ALDH1A3: variants seen among roughly 807,000 people sequenced by gnomAD.
ALDH1A3 encodes aldehyde dehydrogenase 1 family member A3, also known as retinaldehyde dehydrogenase 3.
Under a neutral mutation model 57.5 loss-of-function variants are expected in ALDH1A3, and 28 were observed. The ratio of observed to expected loss-of-function variants is 0.49; its 90% CI spans 0.36 to 0.67. The LOEUF is 0.67. Among genes scored for constraint, ALDH1A3 ranks in the 30% least tolerant of loss-of-function variants. The pLI, the probability that ALDH1A3 is intolerant of heterozygous loss-of-function variation, is 0.00. For missense variants in ALDH1A3, 507 were observed against 669.4 expected (o/e 0.76, Z 2.68); for synonymous variants, 281 against 264.8 (o/e 1.06, Z -0.59).
chr15:100,887,544 GTC>G lies in ALDH1A3; in HGVS notation c.205-20_205-19del. 6.6e-7 allele frequency: 1 copy of G among 1,526,178 alleles called. No homozygotes were observed. Among genetic ancestry groups the G allele is most frequent in the Non-Finnish European group, 8.8e-7 (1 of 1,131,812 alleles). 94.5% of individuals were successfully genotyped at this position (1,526,178 alleles called of 1,614,324 possible). A position where few individuals can be genotyped will look rare whatever the true frequency, so the allele number is the denominator to read the frequency against. ...ACTGCAGTCACGTCAAAAGATGACA[GTC>G]TCTCTCTGTTGTTCTGGTCGCTCAG... is the stretch of plus-strand genomic sequence containing the variant. On this transcript the variant is annotated intron_variant, in intron 2 of 12. Transcript: ENST00000329841. This position sits in a 1 kb window ranked among gnomAD's most constrained non-coding sequence, Gnocchi z 4.6.
At chr15:100,886,837 G>A (rs1270781639) in intron 2 of ALDH1A3, among the ~76,000 whole-genome samples, 2 of 152,212 alleles carry the variant, frequency 1.3e-5, no homozygotes, top group Non-Finnish European at 2.9e-5. Flanking sequence ...GCTCCTCCCT[G>A]TCTGCGAACT....
chr15:100,906,152 G>C lies in ALDH1A3; in HGVS notation c.1233+465G>C, dbSNP rs1002397930. Among the ~76,000 whole-genome samples the C allele has an allele frequency of 1.3e-5, 2 of 152,192 alleles. No homozygotes were observed. Among genetic ancestry groups the C allele is most frequent in the Non-Finnish European group, 2.9e-5 (2 of 68,030 alleles). On this transcript the variant is annotated intron_variant, in intron 10 of 12. Transcript: ENST00000329841. This position sits in a 1 kb window ranked among gnomAD's most constrained non-coding sequence, Gnocchi z 4.8. ...GTGTTCACTCAAGGAACATGTCACAGCTGGAATTTTTATTGACATTTTCCA... is the reference window on the plus strand; with the variant it reads ...GTGTTCACTCAAGGAACATGTCACACCTGGAATTTTTATTGACATTTTCCA...
chr15:100,880,410 C>G (rs891373081), intron 1 of ALDH1A3: 2 of 369,120 alleles, frequency 5.4e-6, no homozygotes, highest in Non-Finnish European at 9.6e-6. Flanking sequence ...CCAGGGTGGA[C>G]GAGTCTGGCT....
chr15:100,907,844 C>CT (rs71151987), intron 11 of ALDH1A3, among the ~76,000 whole-genome samples: 39,188 of 80,202 alleles, frequency 0.49, 11,185 homozygotes, highest in East Asian at 0.59. Flanking sequence ...TTCTTTCTTT[C>CT]TTTTTTTTTT....
rs1442140724 is a variant in ALDH1A3 at position 100,915,199 on chromosome 15, G to A, written c.*426G>A. Reference sequence around the variant, plus strand: ...GCTCTTGCACCAGCGGTCTCCTCAGGGTGGACCTGCTTACAGAGCAAGCCA... The same window carrying A: ...GCTCTTGCACCAGCGGTCTCCTCAGAGTGGACCTGCTTACAGAGCAAGCCA... On this transcript the variant is annotated 3_prime_UTR_variant, in exon 13 of 13. Transcript: ENST00000329841. 1 of 166,624 alleles carries A rather than the reference G, an allele frequency of 6.0e-6. No individual in the cohort carries two copies. The highest frequency in any genetic ancestry group is 1.3e-5 in the Non-Finnish European group (1 of 76,264). 10.3% of individuals were successfully genotyped at this position (166,624 alleles called of 1,614,324 possible).
chr15:100,909,290 G>A (rs2041858441), intron 12 of ALDH1A3, among the ~76,000 whole-genome samples: 2 of 109,018 alleles, frequency 1.8e-5, no homozygotes, highest in Admixed American at 1.9e-4. Flanking sequence ...ACATGTGTGT[G>A]CAAACTCCTC....
chr15:100,899,168 A>G (rs976134297), intron 8 of ALDH1A3, among the ~76,000 whole-genome samples: 1 of 152,210 alleles, frequency 6.6e-6, no homozygotes, highest in Non-Finnish European at 1.5e-5. Flanking sequence ...CAGGAAGGAA[A>G]GGGGAGCTGG....
At chr15:100,896,352 G>A (rs970025684) in intron 7 of ALDH1A3, among the ~76,000 whole-genome samples, 5 of 151,844 alleles carry the variant, frequency 3.3e-5, no homozygotes, top group South Asian at 4.2e-4. Flanking sequence ...AAAAATAGTC[G>A]TGATGCATGC....
Position 100,907,118 on chromosome 15 carries a change from T to C in ALDH1A3, c.1234-3T>C, listed in dbSNP as rs1170096102. The C allele has an allele frequency of 6.2e-6, 10 of 1,611,776 alleles. No individual in the cohort carries two copies. The African/African-American group carries it at 9.4e-5, about 15-fold the overall frequency. On this transcript the variant is annotated splice_polypyrimidine_tract_variant and splice_region_variant and intron_variant, in intron 10 of 12. Transcript: ENST00000329841. ...TCATTGCCATTCTTGCAATTAATCA[T>C]AGATTTTCGGGCCAGTGCAACCAAT... is the stretch of plus-strand genomic sequence containing the variant.
intron 8 of ALDH1A3, 54 bp from the exon 9 acceptor site, chr15:100,900,521 C>T (rs2041755642): frequency 1.3e-6 from 2 of 1,507,316 alleles, no homozygotes; most frequent in South Asian, 1.2e-5. Context: ...CCTGCTTTAA[C>T]AACTTAATCG....
intron 9 of ALDH1A3, among the ~76,000 whole-genome samples, chr15:100,903,792 G>A (rs550985960): frequency 8.5e-5 from 13 of 152,206 alleles, no homozygotes; most frequent in Non-Finnish European, 1.3e-4. Context: ...TTTAAAAACC[G>A]TTTGTATTTC....
At chr15:100,895,745 C>A in intron 6 of ALDH1A3, 188 bp from the exon 7 acceptor site, 1 of 598,508 alleles carries the variant, frequency 1.7e-6, no homozygotes, top group Non-Finnish European at 3.0e-6. Flanking sequence ...GGGCTGGCAG[C>A]AGGGGATGAG....
At chr15:100,908,151 C>T (rs1257498827) in intron 11 of ALDH1A3, among the ~76,000 whole-genome samples, 1 of 152,124 alleles carries the variant, frequency 6.6e-6, no homozygotes, top group African/African-American at 2.4e-5. Context: ...GCCTGGCCCT[C>T]TCTTCTTTTT....
At position 100,893,059 on chromosome 15, in the gene ALDH1A3, C is replaced by G; in HGVS notation, c.537+53C>G. On this transcript the variant is annotated intron_variant, in intron 5 of 12. Coordinates refer to ENST00000329841, the MANE Select transcript of ALDH1A3 (RefSeq NM_000693.4). This position sits in a 1 kb window ranked among gnomAD's most constrained non-coding sequence, Gnocchi z 4.8. ...TTCTATGTAGATCCTGCCCCACTGC[C>G]CTGTGTCCTTTGGAATCAATTTCTG... 1 of 1,502,058 alleles carries G rather than the reference C, an allele frequency of 6.7e-7. No homozygotes were observed. Among genetic ancestry groups the G allele is most frequent in the Non-Finnish European group, 9.2e-7 (1 of 1,092,746 alleles). 93.0% of individuals were successfully genotyped at this position (1,502,058 alleles called of 1,614,324 possible).
At chr15:100,883,836 C>T (rs2041569194) in intron 1 of ALDH1A3, among the ~76,000 whole-genome samples, 1 of 152,152 alleles carries the variant, frequency 6.6e-6, no homozygotes, top group Admixed American at 6.5e-5. Context: ...AACCAAGACT[C>T]ATGCTTAGGA....
At chr15:100,903,148 C>T (rs2041787667) in intron 9 of ALDH1A3, among the ~76,000 whole-genome samples, 1 of 151,640 alleles carries the variant, frequency 6.6e-6, no homozygotes, top group Non-Finnish European at 1.5e-5. Context: ...ATTCCCGCCC[C>T]TCCCGCCCCC....
chr15:100,883,433 C>A (rs766881962), intron 1 of ALDH1A3, among the ~76,000 whole-genome samples: 1 of 152,160 alleles, frequency 6.6e-6, no homozygotes, highest in African/African-American at 2.4e-5. Flanking sequence ...TTTCCTGGTG[C>A]GCTTCCCTGG....
At position 100,915,035 on chromosome 15, in the gene ALDH1A3, G is replaced by A; in HGVS notation, c.*262G>A. 1 of 476,384 alleles carries A rather than the reference G, an allele frequency of 2.1e-6. No homozygotes were observed. Among genetic ancestry groups the A allele is most frequent in the South Asian group, 2.6e-5 (1 of 39,112 alleles). 29.5% of individuals were successfully genotyped at this position (476,384 alleles called of 1,614,324 possible). On this transcript the variant is annotated 3_prime_UTR_variant, in exon 13 of 13. Coordinates refer to ENST00000329841, the MANE Select transcript of ALDH1A3 (RefSeq NM_000693.4). ...CATTTCTGTGTTTCCCTTTAAACCA[G>A]ATCCTGGAGACAGTGAGATACTCAG...
chr15:100,881,843 G>A (rs972874978), intron 1 of ALDH1A3, among the ~76,000 whole-genome samples: 5 of 152,214 alleles, frequency 3.3e-5, no homozygotes, highest in Non-Finnish European at 2.9e-5. Context: ...GCTCTGTCCT[G>A]GCTCCTGGCC....
Sources: gnomAD v4.1 joint callset for allele counts (sites outside exome capture counted in the v4.1 genomes callset) on GRCh38, gnomAD v4.1.1 for gene constraint, Gnocchi (gnomAD v3.1) non-coding constraint, MANE v1.5 for transcripts, NCBI Gene and HGNC (gene_info 2026-07-23, HGNC 2026-07-21) for gene names.